ZNF536: variants seen among roughly 807,000 people sequenced by gnomAD.
The protein encoded by ZNF536 is zinc finger protein 536.
ZNF536 carries 13 observed loss-of-function variants against 84.5 expected under a neutral mutation model. The observed-to-expected ratio is 0.15, with a 90% CI of 0.10 to 0.24. ZNF536 has a LOEUF of 0.24. Ranked by LOEUF, ZNF536 falls within the 10% of genes least tolerant of loss-of-function variation. The probability of loss-of-function intolerance (pLI) is 1.00; values close to 1 mark genes in which losing one functional copy is unlikely to be tolerated. For missense variants in ZNF536, 1,536 were observed against 1,747.5 expected (o/e 0.88, Z 2.16); for synonymous variants, 811 against 742.5 (o/e 1.09, Z -1.50).
intron 1 of ZNF536, among the ~76,000 whole-genome samples, chr19:30,578,146 A>C (rs1235881529): frequency 6.6e-6 from 1 of 152,162 alleles, no homozygotes; most frequent in Non-Finnish European, 1.5e-5. Context: ...TCTAAATAAA[A>C]TTGTTGTTTT....
At chr19:30,293,423 G>A (rs62101878) in intron 2 of ZNF536, among the ~76,000 whole-genome samples, 48,693 of 152,110 alleles carry the variant, frequency 0.32, 10,146 homozygotes, top group Non-Finnish European at 0.46. Context: ...AAGTACTTAG[G>A]GGATGTTGGG....
chr19:30,369,176 T>C (rs868011208), upstream of ZNF536, among the ~76,000 whole-genome samples: 2 of 152,344 alleles, frequency 1.3e-5, no homozygotes, highest in South Asian at 4.1e-4. Context: ...ATGAGTTTAT[T>C]AGTGTTTCAC....
chr19:30,691,355 G>T (rs1778819696), intron 1 of ZNF536, among the ~76,000 whole-genome samples: 1 of 152,104 alleles, frequency 6.6e-6, no homozygotes, highest in Non-Finnish European at 1.5e-5. Flanking sequence ...CGGATCCCAG[G>T]CCAGATGGAA....
chr19:30,710,969 G>A (rs1232720587), exon 2 of ZNF536: 1 of 152,312 alleles, frequency 6.6e-6, no homozygotes, highest in Admixed American at 6.5e-5. Context: ...CCTCACGGAA[G>A]AGGGCGGCAA....
At chr19:30,686,420 C>T (rs2051184048) in intron 1 of ZNF536, among the ~76,000 whole-genome samples, 1 of 152,224 alleles carries the variant, frequency 6.6e-6, no homozygotes, top group African/African-American at 2.4e-5. Flanking sequence ...GTCCCCCACC[C>T]TGTGAGTGTG....
At chr19:30,539,462 A>T (rs182462207) in intron 3 of ZNF536, among the ~76,000 whole-genome samples, 12 of 152,266 alleles carry the variant, frequency 7.9e-5, no homozygotes, top group African/African-American at 2.9e-4. Context: ...CCATGGACAC[A>T]CCCAGAAGAA....
intron 1 of ZNF536, among the ~76,000 whole-genome samples, chr19:30,263,696 A>G: frequency 6.6e-6 from 1 of 152,200 alleles, no homozygotes; most frequent in East Asian, 1.9e-4. Flanking sequence ...TTGCAAGAAG[A>G]AGTTAAGTTG....
intron 1 of ZNF536, among the ~76,000 whole-genome samples, chr19:30,268,406 G>C (rs1271743633): frequency 6.6e-6 from 1 of 152,098 alleles, no homozygotes; most frequent in Non-Finnish European, 1.5e-5. Flanking sequence ...ACCTATATAA[G>C]GGTATAGTCC....
rs555247419 is a variant in ZNF536, at chr19:30,467,815, G to A, written c.2170+22083G>A. On this transcript the variant is annotated intron_variant, in intron 2 of 4. Coordinates refer to ENST00000355537, the MANE Select transcript of ZNF536 (RefSeq NM_014717.3). ...CTCTGCTCAGACCTTAAGCCACTGG[G>A]TAGCTACTGTGTACCCTGAGGGGGT... 6.6e-5 allele frequency among the ~76,000 whole-genome samples: 10 copies of A among 152,366 alleles called. No individual in the cohort carries two copies. In the South Asian group the frequency reaches 2.1e-3, roughly 32 times the overall value.
intron 2 of ZNF536, among the ~76,000 whole-genome samples, chr19:30,527,219 CTTTTTTTTTTTT>C (rs56404227): frequency 1.0e-3 from 108 of 106,166 alleles, no homozygotes; most frequent in South Asian, 9.5e-3. Context: ...ACCCAGCCTC[CTTTTTTTTTTTT>C]TTTTTTTTTT....
At chr19:30,485,239 C>T (rs902300348) in intron 2 of ZNF536, among the ~76,000 whole-genome samples, 1 of 151,844 alleles carries the variant, frequency 6.6e-6, no homozygotes, top group African/African-American at 2.4e-5. Flanking sequence ...CACCCCTGCA[C>T]GTTTCCTTCT....
rs375963356 is a variant in ZNF536 at position 30,387,846 on chromosome 19, G to A, written c.-3+15290G>A. Among the ~76,000 whole-genome samples the A allele has an allele frequency of 2.0e-5, 3 of 152,306 alleles. No homozygotes were observed. In the East Asian group the frequency reaches 5.8e-4, roughly 29 times the overall value. On this transcript the variant is annotated intron_variant, in intron 1 of 4. Coordinates refer to ENST00000355537, the MANE Select transcript of ZNF536 (RefSeq NM_014717.3). The stretch of plus-strand genomic sequence containing the variant: ...AAGCCCAGCCTAGAGAGGGGACTTA[G>A]ACCCTGCTTGAGGGATGGGGTTGGG...
intron 2 of ZNF536, among the ~76,000 whole-genome samples, chr19:30,453,786 C>G (rs553909138): frequency 2.6e-5 from 4 of 152,378 alleles, no homozygotes; most frequent in South Asian, 2.1e-4. Context: ...GGGCAGCAGT[C>G]CAGGCAGAAT....
intron 3 of ZNF536, among the ~76,000 whole-genome samples, chr19:30,363,611 C>T (rs913490871): frequency 3.9e-5 from 6 of 152,028 alleles, no homozygotes; most frequent in South Asian, 2.1e-4. Context: ...GTGCCACCTC[C>T]GAGATTCAAT....
In ZNF536 at chr19:30,557,200, C is replaced by A. The variant is rs548989499; in HGVS notation, c.*36C>A. The stretch of plus-strand genomic sequence containing the variant: ...CCTAGTCGGTCTATCTGGACTTGCC[C>A]TTGTCTGTTCGTGGTCCTCGGTGGT... On this transcript the variant is annotated 3_prime_UTR_variant, in exon 5 of 5. Coordinates refer to ENST00000355537, the MANE Select transcript of ZNF536 (RefSeq NM_014717.3). 6.2e-7 allele frequency: 1 copy of A among 1,612,106 alleles called. No homozygotes were observed. Among genetic ancestry groups the A allele is most frequent in the South Asian group, 1.1e-5 (1 of 90,808 alleles).
chr19:30,473,908 C>A (rs1427336401), intron 2 of ZNF536, among the ~76,000 whole-genome samples: 2 of 152,230 alleles, frequency 1.3e-5, no homozygotes, highest in South Asian at 4.1e-4. Context: ...GCTTGTGTGG[C>A]CTTCAGCAAG....
chr19:30,271,286 GT>G, intron 1 of ZNF536, among the ~76,000 whole-genome samples: 1 of 83,840 alleles, frequency 1.2e-5, no homozygotes, highest in East Asian at 5.9e-4. Flanking sequence ...CTTTCCCTGT[GT>G]TTTTTTCTTT....
chr19:30,509,014 T>A (rs2055296047), intron 2 of ZNF536, among the ~76,000 whole-genome samples: 1 of 150,752 alleles, frequency 6.6e-6, no homozygotes, highest in Non-Finnish European at 1.5e-5. Flanking sequence ...AAAAAATTTC[T>A]TGTTGAGATG....
At chr19:30,286,662 G>A (rs1024269486) in intron 2 of ZNF536, among the ~76,000 whole-genome samples, 1 of 152,098 alleles carries the variant, frequency 6.6e-6, no homozygotes, top group African/African-American at 2.4e-5. Context: ...AACTACTGCT[G>A]CAACTTTGGC....
Sources: allele counts gnomAD v4.1 joint callset (sites outside exome capture counted in the v4.1 genomes callset), GRCh38; gene constraint gnomAD v4.1.1; transcripts MANE v1.5; gene names NCBI Gene and HGNC (gene_info 2026-07-23, HGNC 2026-07-21).